Variants in JADE3 observed in about 807,000 individuals in gnomAD.
JADE3 encodes protein Jade-3.
A neutral mutation model predicts 50.1 loss-of-function variants in JADE3; 2 were observed. The observed-to-expected ratio is 0.04, with a 90% CI of 0.02 to 0.13. The LOEUF (loss-of-function observed/expected upper bound fraction) is 0.13. Among genes scored for constraint, JADE3 ranks in the 10% least tolerant of loss-of-function variants. The pLI is 1.00. For synonymous variants in JADE3, 218 were observed against 232.9 expected (o/e 0.94, Z 0.58); for missense variants, 475 against 634.4 (o/e 0.75, Z 2.70).
intron 4 of JADE3, among the ~76,000 whole-genome samples, chrX:47,014,995 A>G (rs1556362564): frequency 8.9e-6 from 1 of 112,277 alleles, no homozygotes; most frequent in Non-Finnish European, 1.9e-5. Context: ...TTGAATTGTA[A>G]AAATTATCTC....
At chrX:46,927,416 A>G (rs573270257) in intron 1 of JADE3, among the ~76,000 whole-genome samples, 2 of 111,712 alleles carry the variant, frequency 1.8e-5, no homozygotes, top group Middle Eastern at 4.6e-3. Flanking sequence ...CCTGGGGAAA[A>G]TTTCAGAAGT....
intron 1 of JADE3, among the ~76,000 whole-genome samples, chrX:46,963,160 C>T (rs1281324194): frequency 8.9e-6 from 1 of 111,822 alleles, no homozygotes. Flanking sequence ...AATAGTTAAC[C>T]ACTGGTTGCA....
At position 46,929,809 on chromosome X, in the gene JADE3, C is replaced by T. The variant is rs782312946; in HGVS notation, c.-12+17090C>T. 6.2e-5 allele frequency among the ~76,000 whole-genome samples: 7 copies of T among 112,140 alleles called. No individual in the cohort carries two copies. The East Asian group carries it at 1.7e-3, about 27-fold the overall frequency. Reference sequence around the variant, plus strand: ...ACATACCATGAGTCATTCTGACCGTCTGCCTCTGCCTGGAGTGTTCTCCAT... The same window carrying T: ...ACATACCATGAGTCATTCTGACCGTTTGCCTCTGCCTGGAGTGTTCTCCAT... On this transcript the variant is annotated intron_variant, in intron 1 of 10. Transcript: ENST00000614628.
rs1929197375 is a variant in JADE3, at chrX:47,039,076, A to T, written c.972+11A>T. 1.0e-6 allele frequency: 1 copy of T among 961,357 alleles called. No homozygotes were observed. The highest frequency in any genetic ancestry group is 2.3e-5 in the Admixed American group (1 of 43,471). The allele number at this position is 961,357 out of a possible 1,213,427, so 79.2% of individuals were successfully genotyped here. On this transcript the variant is annotated intron_variant, in intron 8 of 10. Transcript: ENST00000614628. ...GGGGCTTGTATTCAGGTAAGTCCCCATGAGAAGTGGTAGAGTGGGCTAACA... is the reference window on the plus strand; with the variant it reads ...GGGGCTTGTATTCAGGTAAGTCCCCTTGAGAAGTGGTAGAGTGGGCTAACA...
intron 4 of JADE3, among the ~76,000 whole-genome samples, chrX:47,023,083 T>C (rs960636210): frequency 3.6e-5 from 4 of 111,939 alleles, no homozygotes; most frequent in Non-Finnish European, 5.6e-5. Context: ...TTCTATATAA[T>C]TGTTATAATA....
At chrX:47,011,276 G>T (rs1928559545) in intron 4 of JADE3, among the ~76,000 whole-genome samples, 1 of 112,016 alleles carries the variant, frequency 8.9e-6, no homozygotes, top group Admixed American at 9.5e-5. Context: ...TTTTCATGTA[G>T]CATAATGTTT....
intron 7 of JADE3, among the ~76,000 whole-genome samples, chrX:47,037,844 C>T (rs1404525450): frequency 9.0e-6 from 1 of 111,254 alleles, no homozygotes; most frequent in Non-Finnish European, 1.9e-5. Flanking sequence ...TGACTATAGT[C>T]ACCCTGTTGT....
intron 4 of JADE3, among the ~76,000 whole-genome samples, chrX:47,001,022 A>G (rs187674523): frequency 6.7e-4 from 75 of 111,988 alleles, no homozygotes; most frequent in African/African-American, 2.4e-3. Flanking sequence ...TGTTTCCCAT[A>G]GTTCTTTGCC....
chrX:46,921,053 T>G lies in JADE3; in HGVS notation c.-12+8334T>G, dbSNP rs976952961. Among the ~76,000 whole-genome samples, 3 of 111,679 alleles carry G rather than the reference T, an allele frequency of 2.7e-5. No homozygotes were observed. In the Admixed American group the frequency reaches 2.8e-4, roughly 11 times the overall value. ...CTTTGGCTTCCCAAAGTGCTGAGAT[T>G]ACAGGCATGAGCCACCACGTCTGGC... On this transcript the variant is annotated intron_variant, in intron 1 of 10. Coordinates refer to ENST00000614628, the MANE Select transcript of JADE3 (RefSeq NM_014735.5).
intron 1 of JADE3, among the ~76,000 whole-genome samples, chrX:46,981,528 G>A (rs1556353055): frequency 8.9e-6 from 1 of 111,944 alleles, no homozygotes; most frequent in East Asian, 2.8e-4. Context: ...TTTCAGAAGA[G>A]ATTTGAATGA....
intron 1 of JADE3, among the ~76,000 whole-genome samples, chrX:46,961,461 T>C (rs1321667610): frequency 8.9e-6 from 1 of 112,480 alleles, no homozygotes; most frequent in Non-Finnish European, 1.9e-5. Flanking sequence ...ATTGCTGATA[T>C]TTCAAATCGT....
chrX:47,003,690 T>C lies in JADE3; in HGVS notation c.284+5413T>C, dbSNP rs782809507. Among the ~76,000 whole-genome samples the C allele has an allele frequency of 5.0e-5, 5 of 100,353 alleles. No homozygotes were observed. In the East Asian group the frequency reaches 1.5e-3, roughly 29 times the overall value. The allele number at this position is 100,353 out of a possible 115,157, so 87.1% of individuals were successfully genotyped here. ...TATATTATAATTAATGTATATGTTA[T>C]ATATAATTAATGTATATATAAAAAT... is the stretch of plus-strand genomic sequence containing the variant. On this transcript the variant is annotated intron_variant, in intron 4 of 10. Transcript: ENST00000614628.
intron 8 of JADE3, among the ~76,000 whole-genome samples, chrX:47,047,565 GTAAA>G (rs1929404856): frequency 9.3e-6 from 1 of 107,859 alleles, no homozygotes; most frequent in African/African-American, 3.4e-5. Flanking sequence ...AAAAAAAAAA[GTAAA>G]TAAACCACAG....
chrX:46,984,184 C>A (rs1409325617), intron 1 of JADE3, among the ~76,000 whole-genome samples: 1 of 112,152 alleles, frequency 8.9e-6, no homozygotes, highest in Non-Finnish European at 1.9e-5. Flanking sequence ...CTAGTGTGTT[C>A]CCAGAAGGGT....
At chrX:47,048,540 A>G (rs1337910170) in intron 8 of JADE3, among the ~76,000 whole-genome samples, 1 of 112,481 alleles carries the variant, frequency 8.9e-6, no homozygotes, top group African/African-American at 3.2e-5. Context: ...TACAACATAG[A>G]GGAACCTGAA....
chrX:47,024,180 C>T (rs371321860), intron 4 of JADE3, among the ~76,000 whole-genome samples: 4 of 112,201 alleles, frequency 3.6e-5, no homozygotes, highest in South Asian at 3.7e-4. Flanking sequence ...ACTAATGTGA[C>T]GACATTTTAT....
chrX:47,056,127 C>G lies in JADE3; in HGVS notation c.1489C>G (p.Leu497Val). The G allele has an allele frequency of 8.3e-7, 1 of 1,208,578 alleles. No homozygotes were observed. The highest frequency in any genetic ancestry group is 1.1e-6 in the Non-Finnish European group (1 of 892,940). The part of the protein sequence containing the change: ...YMISRREKLK[L>V]SHNKIQEQIF... The stretch of plus-strand genomic sequence containing the variant: ...GATAAGCAGACGAGAGAAGCTGAAG[C>G]TGTCACACAACAAAATACAGGAACA... The change falls in exon 10 of 11, where the codon CTG becomes GTG. Residue 497 changes from leucine (L) to valine (V), a missense_variant. This residue lies in a region of JADE3 where 81 missense variants were observed against 123.8 expected (regional missense o/e 0.65). Coordinates refer to ENST00000614628, the MANE Select transcript of JADE3 (RefSeq NM_014735.5).
chrX:46,999,292 T>C (rs993465212), intron 4 of JADE3, among the ~76,000 whole-genome samples: 3 of 107,799 alleles, frequency 2.8e-5, no homozygotes, highest in African/African-American at 1.0e-4. Flanking sequence ...TACCCAATTA[T>C]CTCTTAAAGA....
At chrX:47,014,724 C>T (rs60764529) in intron 4 of JADE3, among the ~76,000 whole-genome samples, 2,887 of 111,177 alleles carry the variant, frequency 0.026, 106 homozygotes, top group African/African-American at 0.09. Flanking sequence ...GTTTTCCCAC[C>T]CTACATGACA....
Sources: allele counts gnomAD v4.1 joint callset (sites outside exome capture counted in the v4.1 genomes callset), GRCh38; gene constraint gnomAD v4.1.1; regional missense constraint gnomAD v4.1.1; transcripts MANE v1.5; gene names NCBI Gene and HGNC (gene_info 2026-07-23, HGNC 2026-07-21).